The following TRHDE variants were observed in gnomAD, a reference collection of about 807,000 sequenced individuals.
The protein encoded by TRHDE is thyrotropin-releasing hormone-degrading ectoenzyme.
A neutral mutation model predicts 125.7 loss-of-function variants in TRHDE; 72 were observed. The ratio of observed to expected loss-of-function variants is 0.57; its 90% CI spans 0.47 to 0.70. The LOEUF is 0.70. Among genes scored for constraint, TRHDE ranks in the 30% least tolerant of loss-of-function variants. The probability of loss-of-function intolerance (pLI) is 0.00; values close to 1 mark genes in which losing one functional copy is unlikely to be tolerated. For missense variants in TRHDE, 1,110 were observed against 1,327.1 expected, an observed-to-expected ratio of 0.84 and a Z score of 2.54; for synonymous variants, 509 against 509.1, an observed-to-expected ratio of 1.00 and a Z score of 0.00.
chr12:72,117,946 T>G lies in TRHDE; in HGVS notation n.279+12194T>G, dbSNP rs190058037. On this transcript the variant is annotated intron_variant and non_coding_transcript_variant, in intron 2 of 4. Coordinates refer to the TRHDE transcript ENST00000548156. ...TGTACCCTGCAACTTTACTGCATTT[T>G]TTTTTCAGTTCTAATGGTTTTCTTG... is the stretch of plus-strand genomic sequence containing the variant. Among the ~76,000 whole-genome samples the G allele has an allele frequency of 1.4e-3, 209 of 152,194 alleles. 1 individual carries two copies. Among genetic ancestry groups the G allele is most frequent in the African/African-American group, 4.6e-3 (191 of 41,578 alleles).
intron 2 of TRHDE, among the ~76,000 whole-genome samples, chr12:72,197,324 G>A (rs530632600): frequency 1.3e-5 from 2 of 152,010 alleles, no homozygotes; most frequent in Admixed American, 1.3e-4. Context: ...TTCTTTCTTG[G>A]CTTTATAGCA....
chr12:72,330,603 G>T (rs1163928497), intron 2 of TRHDE, among the ~76,000 whole-genome samples: 1 of 152,316 alleles, frequency 6.6e-6, no homozygotes, highest in African/African-American at 2.4e-5. Flanking sequence ...GTGAGCAGCA[G>T]CTTGGAGCAC....
At chr12:72,627,890 G>A (rs1317803387) in intron 15 of TRHDE, among the ~76,000 whole-genome samples, 2 of 151,226 alleles carry the variant, frequency 1.3e-5, no homozygotes, top group African/African-American at 4.9e-5. Context: ...TATTGCCCAG[G>A]CTTGCTGGTC....
intron 12 of TRHDE, among the ~76,000 whole-genome samples, chr12:72,581,831 A>T (rs554653545): frequency 4.0e-5 from 6 of 151,736 alleles, no homozygotes; most frequent in Non-Finnish European, 7.4e-5. Context: ...CACCGGGCGC[A>T]GTGGCTCACA....
At chr12:72,367,378 G>A (rs1434889373) in intron 2 of TRHDE, among the ~76,000 whole-genome samples, 2 of 152,028 alleles carry the variant, frequency 1.3e-5, no homozygotes, top group African/African-American at 4.8e-5. Flanking sequence ...CATATGAGAC[G>A]TCAAGGCTCT....
chr12:72,549,924 G>A lies in TRHDE; in HGVS notation c.1788+7568G>A, dbSNP rs192413153. Among the ~76,000 whole-genome samples, 24 of 151,674 alleles carry A rather than the reference G, an allele frequency of 1.6e-4. No homozygotes were observed. The East Asian group carries it at 4.7e-3, about 29-fold the overall frequency. On this transcript the variant is annotated intron_variant, in intron 7 of 18. Transcript: ENST00000261180. ...ATTTAAAGGTTGTTAACCGACCAAT[G>A]TGGCTATATAATATTAACTAAAAAA...
chr12:72,165,929 C>G (rs2139331704), intron 2 of TRHDE, among the ~76,000 whole-genome samples: 1 of 152,226 alleles, frequency 6.6e-6, no homozygotes, highest in Middle Eastern at 3.4e-3. Flanking sequence ...CCCGCCATGG[C>G]CTCCCAAAGT....
At chr12:72,290,499 C>A (rs1880045309) in intron 2 of TRHDE, among the ~76,000 whole-genome samples, 1 of 152,130 alleles carries the variant, frequency 6.6e-6, no homozygotes, top group Non-Finnish European at 1.5e-5. Context: ...CATAAAACAG[C>A]CATTTTATTA....
intron 2 of TRHDE, among the ~76,000 whole-genome samples, chr12:72,210,629 G>A (rs914274377): frequency 2.6e-5 from 4 of 152,052 alleles, no homozygotes; most frequent in Non-Finnish European, 5.9e-5. Flanking sequence ...AAGATGTTAC[G>A]ACTGGTTAAA....
At chr12:72,204,424 A>G (rs564314052) in intron 2 of TRHDE, among the ~76,000 whole-genome samples, 29 of 152,212 alleles carry the variant, frequency 1.9e-4, no homozygotes, top group African/African-American at 6.7e-4. Context: ...TATATAAATT[A>G]TCTCTTTTCT....
chr12:72,399,818 T>G (rs982383313), intron 3 of TRHDE, among the ~76,000 whole-genome samples: 6 of 152,082 alleles, frequency 3.9e-5, no homozygotes, highest in African/African-American at 1.4e-4. Context: ...AAAAAAAGAG[T>G]AAACTTTCAA....
chr12:72,486,016 C>T (rs1268972906), intron 5 of TRHDE, among the ~76,000 whole-genome samples: 2 of 152,166 alleles, frequency 1.3e-5, no homozygotes, highest in Non-Finnish European at 2.9e-5. Context: ...CTGTGTGGTA[C>T]CTCATACCCC....
chr12:72,521,347 T>G (rs929131592), intron 6 of TRHDE, among the ~76,000 whole-genome samples: 2 of 152,176 alleles, frequency 1.3e-5, no homozygotes, highest in East Asian at 1.9e-4. Flanking sequence ...GCTTACCCTC[T>G]GAATTTGAGC....
chr12:72,226,295 T>C (rs1294379269), intron 2 of TRHDE, among the ~76,000 whole-genome samples: 1 of 152,278 alleles, frequency 6.6e-6, no homozygotes, highest in East Asian at 1.9e-4. Flanking sequence ...TCTTAGCCCT[T>C]TGTGTATGAG....
At chr12:72,189,323 A>T (rs1877291275) in intron 2 of TRHDE, among the ~76,000 whole-genome samples, 1 of 152,198 alleles carries the variant, frequency 6.6e-6, no homozygotes. Context: ...GGGTATTCTG[A>T]GGGAAGAATG....
chr12:72,566,974 T>C (rs938602864), intron 9 of TRHDE, among the ~76,000 whole-genome samples: 3 of 151,998 alleles, frequency 2.0e-5, no homozygotes, highest in African/African-American at 7.2e-5. Context: ...TATCATTTAA[T>C]TTGAGAATCA....
At chr12:72,195,943 T>C (rs562791973) in intron 2 of TRHDE, among the ~76,000 whole-genome samples, 197 of 152,344 alleles carry the variant, frequency 1.3e-3, no homozygotes, top group Non-Finnish European at 1.6e-3. Context: ...CTTCTGCATA[T>C]GGCTAGCCAG....
intron 2 of TRHDE, among the ~76,000 whole-genome samples, chr12:72,345,423 C>G (rs1870283558): frequency 6.6e-6 from 1 of 151,938 alleles, no homozygotes; most frequent in South Asian, 2.1e-4. Context: ...AGTATTGCCA[C>G]CATACAGATG....
At chr12:72,621,268 T>G in intron 14 of TRHDE, 63 bp downstream of exon 14, 1 of 1,061,778 alleles carries the variant, frequency 9.4e-7, no homozygotes, top group Non-Finnish European at 1.4e-6. Context: ...GTACTACTAG[T>G]GCCATTGTGA....
Sources: allele counts gnomAD v4.1 joint callset (sites outside exome capture counted in the v4.1 genomes callset), GRCh38; gene constraint gnomAD v4.1.1; transcripts MANE v1.5; gene names NCBI Gene and HGNC (gene_info 2026-07-23, HGNC 2026-07-21).